The following ZNF189 variants were observed in gnomAD, a reference collection of about 807,000 sequenced individuals.
ZNF189 encodes the protein zinc finger protein 189.
In ZNF189, 33 loss-of-function variants were observed where a neutral mutation model predicts 53.5. The ratio of observed to expected loss-of-function variants is 0.62; its 90% CI spans 0.47 to 0.82. The LOEUF (loss-of-function observed/expected upper bound fraction) is 0.82. Among genes scored for constraint, ZNF189 ranks in the 40% least tolerant of loss-of-function variants. The pLI is 0.00. For missense variants in ZNF189, 711 were observed against 753.9 expected, an observed-to-expected ratio of 0.94 and a Z score of 0.67; for synonymous variants, 247 against 238.8, an observed-to-expected ratio of 1.03 and a Z score of -0.32.
In ZNF189 at chr9:101,408,018, G is replaced by A; in HGVS notation, c.250G>A (p.Val84Ile). 4 of 1,613,634 alleles carry A rather than the reference G, an allele frequency of 2.5e-6. No homozygotes were observed. The highest frequency in any genetic ancestry group is 3.4e-6 in the Non-Finnish European group (4 of 1,179,856). Residue 84 changes from valine (V) to isoleucine (I), a missense_variant, in exon 3 of 3, where the codon GTT (valine) becomes ATT (isoleucine). By Grantham distance (29) the Val-to-Ile change is conservative. Coordinates refer to ENST00000339664, the MANE Select transcript of ZNF189 (RefSeq NM_003452.4). ...AGAAGTGGAACCACAGGGTGTAATA[G>A]TTACAAGAATCAAAAGTGAAATTGA... ...EEEVEPQGVI[V>I]TRIKSEIDQD...
Position 101,409,374 on chromosome 9 carries a change from G to C in ZNF189, c.1606G>C (p.Gly536Arg). The C allele has an allele frequency of 6.2e-7, 1 of 1,614,120 alleles. No individual in the cohort carries two copies. Among genetic ancestry groups the C allele is most frequent in the Non-Finnish European group, 8.5e-7 (1 of 1,180,018 alleles). ...NLIRHQGVHT[G>R]NKPHKCDECG... The stretch of plus-strand genomic sequence containing the variant: ...TATTCGACATCAGGGTGTTCACACA[G>C]GTAATAAACCCCATAAATGTGATGA... Residue 536 changes from glycine (G) to arginine (R), a missense_variant, in exon 3 of 3, where the codon GGT becomes CGT. By Grantham distance (125) the Gly-to-Arg change is moderately radical. Coordinates refer to ENST00000339664, the MANE Select transcript of ZNF189 (RefSeq NM_003452.4).
chr9:101,399,756 A>G (rs141193080), intron 1 of ZNF189, 128 bp from the exon 2 acceptor site: 18,284 of 1,456,538 alleles, frequency 0.013, 147 homozygotes, highest in Non-Finnish European at 0.015. Flanking sequence ...TGGGCAACAT[A>G]TGGAACTTTC....
chr9:101,409,309 GCAGA>G lies in ZNF189; in HGVS notation c.1545_1548del (p.Arg515SerfsTer78). 5 of 1,614,176 alleles carry G rather than the reference GCAGA, an allele frequency of 3.1e-6. No homozygotes were observed. Among genetic ancestry groups the G allele is most frequent in the Non-Finnish European group, 4.2e-6 (5 of 1,180,030 alleles). On this transcript the variant is annotated frameshift_variant, in exon 3 of 3. Coordinates refer to ENST00000339664, the MANE Select transcript of ZNF189 (RefSeq NM_003452.4). LOFTEE classifies it high-confidence loss of function. The stretch of plus-strand genomic sequence containing the variant: ...CACACTGGTGAGAGACCCTATCTGT[GCAGA>G]CAGTGTGGAAAAAGCTTTAGTCAGC...
chr9:101,408,233 G>A lies in ZNF189; in HGVS notation c.465G>A (p.Lys155=). ...EKCHKCEECG[K]GFVRKAHFIQ... ...GCCATAAATGTGAAGAATGTGGAAA[G>A]GGTTTTGTCCGCAAGGCCCATTTCA... The change falls in exon 3 of 3, where the codon AAG becomes AAA. Residue 155 remains lysine (K), a synonymous_variant. Coordinates refer to ENST00000339664, the MANE Select transcript of ZNF189 (RefSeq NM_003452.4). 6.2e-7 allele frequency: 1 copy of A among 1,614,158 alleles called. No homozygotes were observed. Among genetic ancestry groups the A allele is most frequent in the Non-Finnish European group, 8.5e-7 (1 of 1,180,026 alleles).
At position 101,409,563 on chromosome 9, in the gene ZNF189, C is replaced by G. The variant is rs112338244; in HGVS notation, c.1795C>G (p.His599Asp). Residue 599 changes from histidine to aspartate, a missense_variant, in exon 3 of 3, where the codon CAT (histidine) becomes GAT (aspartate). His to Asp is a moderately conservative substitution (Grantham distance 81). Transcript: ENST00000339664. Reference protein sequence around the residue: ...IHAEVKTQETHECDACGEAFN... With the variant: ...IHAEVKTQETDECDACGEAFN... Reference sequence around the variant, plus strand: ...TGCAGAGGTGAAAACCCAAGAAACCCATGAATGTGACGCTTGTGGTGAAGC... The same window carrying G: ...TGCAGAGGTGAAAACCCAAGAAACCGATGAATGTGACGCTTGTGGTGAAGC... The G allele has an allele frequency of 1.7e-3, 2,775 of 1,614,024 alleles. 7 individuals are homozygous for G. Among genetic ancestry groups the G allele is most frequent in the Non-Finnish European group, 2.0e-3 (2,364 of 1,179,994 alleles).
At chr9:101,405,403 G>T (rs2777344) in intron 2 of ZNF189, among the ~76,000 whole-genome samples, 1 of 152,090 alleles carries the variant, frequency 6.6e-6, no homozygotes, top group Non-Finnish European at 1.5e-5. Flanking sequence ...TGAGAAGAAG[G>T]GAGAAATACA....
rs531207769 is a variant in ZNF189 at position 101,399,209 on chromosome 9, G to A, written c.33+20G>A. 5.4e-5 allele frequency: 86 copies of A among 1,578,306 alleles called. 5 individuals carry two copies. In the South Asian group the frequency reaches 9.0e-4, roughly 17 times the overall value. Reference sequence around the variant, plus strand: ...TCGAAGGTAAGTAAGCACCCCCCCGGGGATCCCGGTTGTCTCGCCGCTACC... The same window carrying A: ...TCGAAGGTAAGTAAGCACCCCCCCGAGGATCCCGGTTGTCTCGCCGCTACC... On this transcript the variant is annotated intron_variant, in intron 1 of 2. Coordinates refer to ENST00000339664, the MANE Select transcript of ZNF189 (RefSeq NM_003452.4).
intron 2 of ZNF189, among the ~76,000 whole-genome samples, chr9:101,405,614 C>T (rs1830678869): frequency 6.6e-6 from 1 of 151,662 alleles, no homozygotes; most frequent in Admixed American, 6.6e-5. Context: ...TAACAAAAGT[C>T]AGTTGACAAA....
intron 2 of ZNF189, among the ~76,000 whole-genome samples, chr9:101,400,935 A>G (rs537866897): frequency 6.6e-6 from 1 of 152,248 alleles, no homozygotes; most frequent in South Asian, 2.1e-4. Flanking sequence ...AAACCCATTC[A>G]TTATTAACGA....
intron 2 of ZNF189, among the ~76,000 whole-genome samples, chr9:101,406,749 C>T (rs754229727): frequency 6.6e-5 from 10 of 152,128 alleles, no homozygotes; most frequent in South Asian, 2.1e-4. Flanking sequence ...AATCTTCTAG[C>T]GGAATTATCT....
At position 101,408,979 on chromosome 9, in the gene ZNF189, A is replaced by G; in HGVS notation, c.1211A>G (p.Glu404Gly). 1 of 1,614,040 alleles carries G rather than the reference A, an allele frequency of 6.2e-7. No individual in the cohort carries two copies. The highest frequency in any genetic ancestry group is 8.5e-7 in the Non-Finnish European group (1 of 1,180,008). ...GGAGACAAGCCCCATAAATGTGAGG[A>G]ATGTGGAAAAGCCTTTAGTAGAAGC... Reference protein sequence around the residue: ...HTGDKPHKCEECGKAFSRSSG... With the variant: ...HTGDKPHKCEGCGKAFSRSSG... Residue 404 changes from glutamate (E) to glycine (G), a missense_variant, in exon 3 of 3, where the codon GAA becomes GGA. Transcript: ENST00000339664.
At position 101,409,608 on chromosome 9, in the gene ZNF189, C is replaced by T. The variant is rs766781706; in HGVS notation, c.1840C>T (p.Leu614Phe). The stretch of plus-strand genomic sequence containing the variant: ...TGAAGCCTTTAATTGCCGTATTTCT[C>T]TTATTCAGCATCAGAAATTGCACAC... Reference protein sequence around the residue: ...CGEAFNCRISLIQHQKLHTAW... With the variant: ...CGEAFNCRISFIQHQKLHTAW... The change falls in exon 3 of 3, where the codon CTT (leucine) becomes TTT (phenylalanine). Residue 614 changes from leucine to phenylalanine, a missense_variant. By Grantham distance (22) the Leu-to-Phe change is conservative (BLOSUM62 0). Transcript: ENST00000339664. 6.2e-7 allele frequency: 1 copy of T among 1,612,198 alleles called. No homozygotes were observed. The highest frequency in any genetic ancestry group is 1.3e-5 in the African/African-American group (1 of 74,832).
chr9:101,407,840 T>C (rs1057446971), intron 2 of ZNF189, 89 bp from the exon 3 acceptor site: 1 of 1,329,532 alleles, frequency 7.5e-7, no homozygotes, highest in Non-Finnish European at 1.0e-6. Flanking sequence ...ACCTTGACTT[T>C]ATTTGTTTCT....
chr9:101,403,462 A>G (rs763152202), intron 2 of ZNF189, among the ~76,000 whole-genome samples: 2 of 152,168 alleles, frequency 1.3e-5, no homozygotes, highest in Non-Finnish European at 2.9e-5. Context: ...TCTCTTCTAC[A>G]TCATCTTAAC....
rs1490022030 is a variant in ZNF189, at chr9:101,408,177, A to G, written c.409A>G (p.Ile137Val). 1 of 1,614,080 alleles carries G rather than the reference A, an allele frequency of 6.2e-7. No individual in the cohort carries two copies. Among genetic ancestry groups the G allele is most frequent in the African/African-American group, 1.3e-5 (1 of 74,952 alleles). ...AATGTTCAGAGAAAACACTAACATTATCCGTAAAAGACCAAACTCAGAAGA... is the reference window on the plus strand; with the variant it reads ...AATGTTCAGAGAAAACACTAACATTGTCCGTAAAAGACCAAACTCAGAAGA... Reference protein sequence around the residue: ...QRMFRENTNIIRKRPNSEEKC... With the variant: ...QRMFRENTNIVRKRPNSEEKC... Residue 137 changes from isoleucine (I) to valine (V), a missense_variant, in exon 3 of 3, where the codon ATC becomes GTC. Physicochemically the swap from Ile to Val is conservative, Grantham distance 29 (BLOSUM62 3). Coordinates refer to ENST00000339664, the MANE Select transcript of ZNF189 (RefSeq NM_003452.4).
intron 2 of ZNF189, among the ~76,000 whole-genome samples, chr9:101,402,304 GT>G (rs1433301475): frequency 5.3e-5 from 8 of 152,126 alleles, no homozygotes; most frequent in Non-Finnish European, 1.2e-4. Flanking sequence ...AGCCTGGTGA[GT>G]ATAGTGATTT....
chr9:101,399,195 T>C lies in ZNF189; in HGVS notation c.33+6T>C. On this transcript the variant is annotated splice_donor_region_variant and intron_variant, in intron 1 of 2. Coordinates refer to ENST00000339664, the MANE Select transcript of ZNF189 (RefSeq NM_003452.4). ...GCCCCCCGCCGGAGTCGAAGGTAAG[T>C]AAGCACCCCCCCGGGGATCCCGGTT... 1 of 1,586,804 alleles carries C rather than the reference T, an allele frequency of 6.3e-7. No homozygotes were observed. The highest frequency in any genetic ancestry group is 8.6e-7 in the Non-Finnish European group (1 of 1,158,660).
chr9:101,409,944 T>C lies in ZNF189; in HGVS notation c.*295T>C, dbSNP rs532720082. Reference sequence around the variant, plus strand: ...GGGTGCTCTGAGGGACAAAGTTGGATTAGTATAAGGGAGCTGGAGCAGCTG... The same window carrying C: ...GGGTGCTCTGAGGGACAAAGTTGGACTAGTATAAGGGAGCTGGAGCAGCTG... On this transcript the variant is annotated 3_prime_UTR_variant, in exon 3 of 3. Transcript: ENST00000339664. 83 of 301,496 alleles carry C rather than the reference T, an allele frequency of 2.8e-4. 1 individual carries two copies. In the South Asian group the frequency reaches 4.1e-3, roughly 15 times the overall value. The allele number at this position is 301,496 out of a possible 1,614,324, so 18.7% of individuals were successfully genotyped here. A position where few individuals can be genotyped will look rare whatever the true frequency, so the allele number is the denominator to read the frequency against.
In ZNF189 at chr9:101,399,006, G is replaced by T; in HGVS notation, c.-151G>T. 1.4e-6 allele frequency: 1 copy of T among 725,430 alleles called. No homozygotes were observed. Among genetic ancestry groups the T allele is most frequent in the South Asian group, 1.5e-5 (1 of 67,508 alleles). 44.9% of individuals were successfully genotyped at this position (725,430 alleles called of 1,614,324 possible). A position where few individuals can be genotyped will look rare whatever the true frequency, so the allele number is the denominator to read the frequency against. Reference sequence around the variant, plus strand: ...GCGTCTGATATGCTGTTGGGGTCGTGACCGTCTGGGGGCCGAGGCAGGCAC... The same window carrying T: ...GCGTCTGATATGCTGTTGGGGTCGTTACCGTCTGGGGGCCGAGGCAGGCAC... On this transcript the variant is annotated 5_prime_UTR_variant, in exon 1 of 3. An upstream open reading frame in the 5' UTR loses its in-frame stop. Transcript: ENST00000339664.
Sources: allele counts gnomAD v4.1 joint callset (sites outside exome capture counted in the v4.1 genomes callset), GRCh38; gene constraint gnomAD v4.1.1; transcripts MANE v1.5; gene names NCBI Gene and HGNC (gene_info 2026-07-23, HGNC 2026-07-21).